ABLIM1: variants seen among roughly 807,000 people sequenced by gnomAD.
ABLIM1 encodes the protein actin-binding LIM protein 1.
ABLIM1 carries 40 observed loss-of-function variants against 107.0 expected under a neutral mutation model. The ratio of observed to expected loss-of-function variants is 0.37; its 90% CI spans 0.29 to 0.49. The LOEUF is 0.49. Among genes scored for constraint, ABLIM1 ranks in the 20% least tolerant of loss-of-function variants. The probability of loss-of-function intolerance (pLI) is 0.97; values close to 1 mark genes in which losing one functional copy is unlikely to be tolerated. For synonymous variants in ABLIM1, 357 were observed against 357.3 expected, an observed-to-expected ratio of 1.00 and a Z score of 0.01; for missense variants, 857 against 1,008.5, an observed-to-expected ratio of 0.85 and a Z score of 2.04.
intron 1 of ABLIM1, among the ~76,000 whole-genome samples, chr10:114,666,538 G>T (rs1361714979): frequency 6.6e-6 from 1 of 152,146 alleles, no homozygotes; most frequent in Non-Finnish European, 1.5e-5. Flanking sequence ...CAACAACATG[G>T]TCAGTAAATC....
chr10:114,569,745 C>A (rs1432252759), intron 4 of ABLIM1, among the ~76,000 whole-genome samples: 1 of 152,142 alleles, frequency 6.6e-6, no homozygotes. Context: ...GTGTTTGGGG[C>A]AGGGTAGCAA....
the ABLIM1 span, among the ~76,000 whole-genome samples, chr10:114,773,329 C>T: frequency 6.6e-6 from 1 of 152,128 alleles, no homozygotes; most frequent in Non-Finnish European, 1.5e-5. Context: ...AGAGAAAGGA[C>T]ATAGCCTAGG....
rs181046390 is a variant in ABLIM1 at position 114,612,285 on chromosome 10, A to C, written c.245-10324T>G. ...GGTTGCTGATAAAAGAATGAAGTTC[A>C]GCCCCTATCCTCGCTCTCACACCCT... On this transcript the variant is annotated intron_variant, in intron 1 of 22. Transcript: ENST00000533213. 9.4e-4 allele frequency among the ~76,000 whole-genome samples: 143 copies of C among 152,336 alleles called. 1 individual carries two copies. Among genetic ancestry groups the C allele is most frequent in the Non-Finnish European group, 1.5e-3 (101 of 68,020 alleles).
chr10:114,657,966 C>G lies in ABLIM1; in HGVS notation c.235G>C (p.Asp79His). Reference protein sequence around the residue: ...CPRGRVCNSVDPFVAHPQDPH... With the variant: ...CPRGRVCNSVHPFVAHPQDPH... ...GGGTTATTTTACTTACCAAAAGGAT[C>G]AACGCTGTTACATACACGCCCACGT... Residue 79 changes from aspartate to histidine, a missense_variant, in exon 1 of 23, where the codon GAT becomes CAT. By Grantham distance (81) the Asp-to-His change is moderately conservative. Coordinates refer to ENST00000533213, the MANE Select transcript of ABLIM1 (RefSeq NM_002313.7). 1.9e-6 allele frequency: 3 copies of G among 1,611,210 alleles called. No individual in the cohort carries two copies. Among genetic ancestry groups the G allele is most frequent in the Non-Finnish European group, 2.5e-6 (3 of 1,178,014 alleles).
At chr10:114,501,513 AACG>A (rs2060421428) in intron 6 of ABLIM1, among the ~76,000 whole-genome samples, 2 of 152,342 alleles carry the variant, frequency 1.3e-5, no homozygotes, top group South Asian at 4.1e-4. Context: ...TGGCAAGGCT[AACG>A]ACTAGATCAT....
At chr10:114,644,494 T>G (rs982047812) in intron 1 of ABLIM1, among the ~76,000 whole-genome samples, 4 of 151,670 alleles carry the variant, frequency 2.6e-5, no homozygotes, top group Non-Finnish European at 5.9e-5. Flanking sequence ...AATCATTGCC[T>G]AGGTGTAATG....
chr10:114,753,760 A>G (rs2082569800), intron 1 of ABLIM1, among the ~76,000 whole-genome samples: 1 of 152,226 alleles, frequency 6.6e-6, no homozygotes, highest in Non-Finnish European at 1.5e-5. Flanking sequence ...AACCCAGCCC[A>G]CCAACGAACA....
At chr10:114,658,286 C>T, upstream of ABLIM1, 3 of 1,516,752 alleles carry the variant, frequency 2.0e-6, no homozygotes, top group Non-Finnish European at 2.6e-6. Flanking sequence ...GTTCCCCTGG[C>T]TCCTTACTGT....
chr10:114,726,383 G>C (rs567159184), intron 1 of ABLIM1, among the ~76,000 whole-genome samples: 9 of 152,202 alleles, frequency 5.9e-5, no homozygotes, highest in African/African-American at 2.2e-4. Flanking sequence ...GAAGCATAGC[G>C]GCATCTGCTT....
chr10:114,488,164 A>C, intron 7 of ABLIM1, 148 bp from the exon 8 acceptor site: 1 of 858,008 alleles, frequency 1.2e-6, no homozygotes, highest in Non-Finnish European at 1.9e-6. Context: ...CATAACACAA[A>C]AATCAGACAT....
intron 6 of ABLIM1, among the ~76,000 whole-genome samples, chr10:114,537,980 T>C (rs1277956325): frequency 6.6e-6 from 1 of 152,190 alleles, no homozygotes; most frequent in Non-Finnish European, 1.5e-5. Context: ...GACAAAAAGA[T>C]TAGATGTCAT....
intron 6 of ABLIM1, among the ~76,000 whole-genome samples, chr10:114,504,583 T>C (rs74322313): frequency 0.12 from 18,117 of 152,162 alleles, 1,220 homozygotes; most frequent in African/African-American, 0.19. Context: ...GATGATAATT[T>C]GAAAATGTGG....
chr10:114,609,455 T>A lies in ABLIM1; in HGVS notation c.245-7494A>T, dbSNP rs116959533. Among the ~76,000 whole-genome samples the A allele has an allele frequency of 6.2e-3, 942 of 152,352 alleles. 2 individuals are homozygous for A. Among genetic ancestry groups the A allele is most frequent in the Non-Finnish European group, 0.01 (706 of 68,030 alleles). On this transcript the variant is annotated intron_variant, in intron 1 of 22. Transcript: ENST00000533213. ...AGAAAATATTTCCTTCTCCTCCATG[T>A]CCTCCAGCACTGAATATCTGTACCA...
Position 114,441,088 on chromosome 10 carries a change from G to T in ABLIM1, c.1999-11C>A. 1 of 1,571,882 alleles carries T rather than the reference G, an allele frequency of 6.4e-7. No homozygotes were observed. Among genetic ancestry groups the T allele is most frequent in the Non-Finnish European group, 8.6e-7 (1 of 1,156,858 alleles). ...GTCGGTAGAAACAGGCTGAAATGAG[G>T]AAAAACAATTATTAGGAAATCTCCA... On this transcript the variant is annotated splice_polypyrimidine_tract_variant and intron_variant, in intron 18 of 22. Coordinates refer to ENST00000533213, the MANE Select transcript of ABLIM1 (RefSeq NM_002313.7).
intron 1 of ABLIM1, among the ~76,000 whole-genome samples, chr10:114,614,927 G>A (rs1292330651): frequency 3.3e-5 from 5 of 152,106 alleles, no homozygotes; most frequent in African/African-American, 1.2e-4. Flanking sequence ...GTGCGCACCT[G>A]TAATCCCAGC....
chr10:114,684,317 G>C, exon 1 of ABLIM1: 1 of 1,614,054 alleles, frequency 6.2e-7, no homozygotes, highest in Non-Finnish European at 8.5e-7. Flanking sequence ...GTGTGATGAG[G>C]GTCCGTGAGC....
chr10:114,531,460 G>A (rs1283752894), intron 6 of ABLIM1, among the ~76,000 whole-genome samples: 1 of 152,226 alleles, frequency 6.6e-6, no homozygotes, highest in African/African-American at 2.4e-5. Context: ...AGCTTCAGGT[G>A]CCGGGACTCA....
intron 7 of ABLIM1, among the ~76,000 whole-genome samples, chr10:114,491,004 G>GTATATATA (rs1397165080): frequency 3.9e-4 from 31 of 79,642 alleles, no homozygotes; most frequent in African/African-American, 1.5e-3. Flanking sequence ...GTGTGTGTGT[G>GTATATATA]TGTGTGTGTA....
intron 6 of ABLIM1, among the ~76,000 whole-genome samples, chr10:114,516,648 T>C (rs1181650387): frequency 6.6e-6 from 1 of 152,250 alleles, no homozygotes; most frequent in Non-Finnish European, 1.5e-5. Flanking sequence ...TCTTTATTTT[T>C]GCATTAATAT....
Sources: allele counts gnomAD v4.1 joint callset (sites outside exome capture counted in the v4.1 genomes callset), GRCh38; gene constraint gnomAD v4.1.1; transcripts MANE v1.5; gene names NCBI Gene and HGNC (gene_info 2026-07-23, HGNC 2026-07-21).